The following CD33 variants were observed in gnomAD, a reference collection of about 807,000 sequenced individuals.
The protein encoded by CD33 is myeloid cell surface antigen CD33.
In CD33, 25 loss-of-function variants were observed where a neutral mutation model predicts 31.4. The ratio of observed to expected loss-of-function variants is 0.80; its 90% CI spans 0.58 to 1.11. The LOEUF is 1.11. CD33 is among the 50% of genes most tolerant of loss of function. The pLI is 0.00. For missense variants in CD33, 407 were observed against 448.1 expected (o/e 0.91, Z 0.83); for synonymous variants, 176 against 180.6 (o/e 0.97, Z 0.20).
upstream of CD33, among the ~76,000 whole-genome samples, chr19:51,220,639 A>C (rs1980643744): frequency 6.6e-6 from 1 of 152,232 alleles, no homozygotes; most frequent in Non-Finnish European, 1.5e-5. Flanking sequence ...TAATTTAATT[A>C]AAGTTGTAAG....
At chr19:51,226,442 G>A (rs2123198678) in intron 4 of CD33, 86 bp downstream of exon 4, 1 of 1,230,206 alleles carries the variant, frequency 8.1e-7, no homozygotes, top group South Asian at 1.2e-5. Context: ...AGAGTCAAAT[G>A]TTCAGAGGCA....
chr19:51,217,835 C>A, the CD33 span, among the ~76,000 whole-genome samples: 18 of 152,162 alleles, frequency 1.2e-4, no homozygotes, highest in Non-Finnish European at 2.4e-4. Flanking sequence ...GTTAAGATAA[C>A]CTTCAGTTCC....
rs35632246 is a variant in CD33, at chr19:51,239,584, A to G, written c.991A>G (p.Thr331Ala). 3,766 of 1,613,636 alleles carry G rather than the reference A, an allele frequency of 2.3e-3. 85 individuals are homozygous for G. The African/African-American group carries it at 0.045, about 19-fold the overall frequency. ...CTCAAGCTGTTCAGGTGCCGCCCCT[A>G]CTGTGGAGATGGATGAGGAGCTGCA... is the stretch of plus-strand genomic sequence containing the variant. ...ETSSCSGAAP[T>A]VEMDEELHYA... The change falls in exon 7 of 7, where the codon ACT becomes GCT. Residue 331 changes from threonine (T) to alanine (A), a missense_variant. By Grantham distance (58) the Thr-to-Ala change is moderately conservative (BLOSUM62 0). Coordinates refer to ENST00000262262, the MANE Select transcript of CD33 (RefSeq NM_001772.4).
chr19:51,239,712 C>G lies in CD33; in HGVS notation c.*24C>G. ...GAGGAACCCACAAGAGCATCAGGCT[C>G]AGCTAGAAGATCCACATCCTCTACA... On this transcript the variant is annotated 3_prime_UTR_variant, in exon 7 of 7. Transcript: ENST00000262262. 1 of 1,589,164 alleles carries G rather than the reference C, an allele frequency of 6.3e-7. No individual in the cohort carries two copies. The highest frequency in any genetic ancestry group is 8.6e-7 in the Non-Finnish European group (1 of 1,167,348).
the CD33 span, chr19:51,211,261 G>A: frequency 1.8e-5 from 28 of 1,575,944 alleles, no homozygotes; most frequent in Non-Finnish European, 2.4e-5. Context: ...GTCAGTGACG[G>A]TACAGGAGGG....
the CD33 span, chr19:51,211,174 G>C: frequency 1.9e-6 from 3 of 1,589,286 alleles, no homozygotes; most frequent in Non-Finnish European, 1.7e-6. Flanking sequence ...AGGGGTTGTC[G>C]GGCTGGGCCG....
Position 51,225,925 on chromosome 19 carries a change from T to C in CD33, c.541T>C (p.Ser181Pro). The C allele has an allele frequency of 1.9e-6, 3 of 1,614,024 alleles. No individual in the cohort carries two copies. The highest frequency in any genetic ancestry group is 2.5e-6 in the Non-Finnish European group (3 of 1,179,980). The change falls in exon 3 of 7, where the codon TCA (serine) becomes CCA (proline). Residue 181 changes from serine (S) to proline (P), a missense_variant. By Grantham distance (74) the Ser-to-Pro change is moderately conservative. Coordinates refer to ENST00000262262, the MANE Select transcript of CD33 (RefSeq NM_001772.4). ...AACACCCCCGATCTTCTCCTGGTTG[T>C]CAGCTGCCCCCACCTCCCTGGGCCC... The part of the protein sequence containing the change: ...QGTPPIFSWL[S>P]AAPTSLGPRT...
chr19:51,221,022 C>T (rs969398696), upstream of CD33, among the ~76,000 whole-genome samples: 1 of 152,148 alleles, frequency 6.6e-6, no homozygotes, highest in African/African-American at 2.4e-5. Context: ...GCAACAACAA[C>T]AACAAAAGGC....
intron 4 of CD33, among the ~76,000 whole-genome samples, chr19:51,226,900 C>T (rs1981077875): frequency 6.6e-6 from 1 of 151,832 alleles, no homozygotes; most frequent in Non-Finnish European, 1.5e-5. Flanking sequence ...CCTTATTATT[C>T]TCTGTTCTAC....
At chr19:51,239,441 T>G in intron 6 of CD33, 77 bp from the exon 7 acceptor site, 1 of 1,113,636 alleles carries the variant, frequency 9.0e-7, no homozygotes, top group East Asian at 2.6e-5. Flanking sequence ...TCAAATTTAC[T>G]TCATTGACCC....
rs983715124 is a variant in CD33, at chr19:51,226,016, C to G, written c.632C>G (p.Thr211Ser). 1.9e-6 allele frequency: 3 copies of G among 1,614,118 alleles called. No individual in the cohort carries two copies. The highest frequency in any genetic ancestry group is 2.5e-6 in the Non-Finnish European group (3 of 1,180,004). Residue 211 changes from threonine to serine, a missense_variant, in exon 3 of 7, where the codon ACC becomes AGC. Thr to Ser is a moderately conservative substitution (Grantham distance 58, BLOSUM62 1). Coordinates refer to ENST00000262262, the MANE Select transcript of CD33 (RefSeq NM_001772.4). ...PRPQDHGTNL[T>S]CQVKFAGAGV... ...CCCCAGGACCACGGCACCAACCTGA[C>G]CTGTCAGGTGAAGTTCGCTGGAGCT... is the stretch of plus-strand genomic sequence containing the variant.
chr19:51,217,566 C>T, the CD33 span, among the ~76,000 whole-genome samples: 1 of 152,010 alleles, frequency 6.6e-6, no homozygotes, highest in East Asian at 1.9e-4. Flanking sequence ...CTTGCCACCA[C>T]ACCCAGCTAA....
chr19:51,211,118 C>G, the CD33 span: 1 of 1,590,142 alleles, frequency 6.3e-7, no homozygotes, highest in Non-Finnish European at 8.6e-7. Context: ...CATGCCACTG[C>G]TGCTACTGCT....
intron 6 of CD33, chr19:51,235,953 T>C (rs888177408): frequency 1.2e-5 from 8 of 694,198 alleles, no homozygotes; most frequent in Non-Finnish European, 1.8e-5. Flanking sequence ...GGTCAGGAGA[T>C]TGAGACTATC....
intron 2 of CD33, 42 bp from the exon 3 acceptor site, chr19:51,225,761 A>T: frequency 1.3e-6 from 2 of 1,580,572 alleles, no homozygotes; most frequent in South Asian, 1.1e-5. Context: ...CCTCACCTGG[A>T]CCCTCCCTCC....
chr19:51,214,530 A>G, the CD33 span, among the ~76,000 whole-genome samples: 1 of 152,198 alleles, frequency 6.6e-6, no homozygotes, highest in Admixed American at 6.5e-5. Context: ...ATAGCCTAAT[A>G]GTGAGTGTAA....
rs1981016215 is a variant in CD33, at chr19:51,226,194, G to T, written c.697+113G>T. On this transcript the variant is annotated intron_variant, in intron 3 of 6. Coordinates refer to ENST00000262262, the MANE Select transcript of CD33 (RefSeq NM_001772.4). Reference sequence around the variant, plus strand: ...CCTGGCTGAGTTCGGGAGCCAGAAGGACATGAGCCCTGTCCCTTCTGCATT... The same window carrying T: ...CCTGGCTGAGTTCGGGAGCCAGAAGTACATGAGCCCTGTCCCTTCTGCATT... 5 of 1,514,740 alleles carry T rather than the reference G, an allele frequency of 3.3e-6. No homozygotes were observed. In the East Asian group the frequency reaches 1.1e-4, roughly 34 times the overall value. The allele number at this position is 1,514,740 out of a possible 1,614,324, so 93.8% of individuals were successfully genotyped here.
the CD33 span, chr19:51,211,461 T>A: frequency 3.8e-6 from 6 of 1,567,400 alleles, no homozygotes; most frequent in Non-Finnish European, 5.2e-6. Context: ...GGGATCCCAG[T>A]AAGAACAACT....
rs185206030 is a variant in CD33 at position 51,225,190 on chromosome 19, G to C, written c.38-28G>C. 5.0e-5 allele frequency: 80 copies of C among 1,613,478 alleles called. No individual in the cohort carries two copies. The African/African-American group carries it at 9.2e-4, about 19-fold the overall frequency. ...TGTGGGGAGAGGGGTTGTCGGGCTG[G>C]GCCGAGCTGACCCTCGTTTCCCCAC... On this transcript the variant is annotated intron_variant, in intron 1 of 6. Coordinates refer to ENST00000262262, the MANE Select transcript of CD33 (RefSeq NM_001772.4).
Sources: gnomAD v4.1 joint callset for allele counts (sites outside exome capture counted in the v4.1 genomes callset) on GRCh38, gnomAD v4.1.1 for gene constraint, MANE v1.5 for transcripts, NCBI Gene and HGNC (gene_info 2026-07-23, HGNC 2026-07-21) for gene names.